Variants in POLR3K observed in about 807,000 individuals in gnomAD.
POLR3K encodes DNA-directed RNA polymerase III subunit RPC10.
POLR3K carries 11 observed loss-of-function variants against 13.5 expected under a neutral mutation model. The ratio of observed to expected loss-of-function variants is 0.81; its 90% CI spans 0.51 to 1.35. POLR3K has a LOEUF of 1.35. Ranked by LOEUF, POLR3K falls within the 40% of genes most tolerant of loss-of-function variation. The probability of loss-of-function intolerance (pLI) is 0.00; values close to 1 mark genes in which losing one functional copy is unlikely to be tolerated. For synonymous variants in POLR3K, 56 were observed against 51.5 expected, an observed-to-expected ratio of 1.09 and a Z score of -0.38; for missense variants, 144 against 145.3, an observed-to-expected ratio of 0.99 and a Z score of 0.05.
chr16:47,218 CCA>C lies in POLR3K; in HGVS notation c.*210_*211del, dbSNP rs780501380. The C allele has an allele frequency of 1.5e-5, 7 of 462,960 alleles. No individual in the cohort carries two copies. The East Asian group carries it at 2.4e-4, about 16-fold the overall frequency. The allele number at this position is 462,960 out of a possible 1,614,324, so 28.7% of individuals were successfully genotyped here. On this transcript the variant is annotated 3_prime_UTR_variant, in exon 3 of 3. Coordinates refer to ENST00000293860, the MANE Select transcript of POLR3K (RefSeq NM_016310.5). ...TTAGTTATGGGTCTCTGTCTCCTCC[CCA>C]CACAGAAAAACTCCCAGACATTCAT...
chr16:48,840 C>T (rs1043187640), intron 2 of POLR3K, among the ~76,000 whole-genome samples: 12 of 128,650 alleles, frequency 9.3e-5, no homozygotes, highest in African/African-American at 1.7e-4. Flanking sequence ...GCATTAAGGG[C>T]GATTCTGGTG....
Position 52,765 on chromosome 16 carries a change from C to CAAAA in POLR3K, c.111+707_111+710dup, listed in dbSNP as rs946489081. 3.1e-3 allele frequency among the ~76,000 whole-genome samples: 104 copies of CAAAA among 33,472 alleles called. 3 individuals are homozygous for CAAAA. The highest frequency in any genetic ancestry group is 7.1e-3 in the African/African-American group (73 of 10,286). The allele number at this position is 33,472 out of a possible 152,430, so 22.0% of individuals were successfully genotyped here. ...TGGGCGACAGAGCGGGACTCCGTCT[C>CAAAA]AAAAAAAAAAAAAAAAAAAAAAAAA... On this transcript the variant is annotated intron_variant, in intron 1 of 2. Coordinates refer to ENST00000293860, the MANE Select transcript of POLR3K (RefSeq NM_016310.5).
intron 2 of POLR3K, among the ~76,000 whole-genome samples, chr16:48,777 C>T (rs1897305716): frequency 6.7e-6 from 1 of 150,372 alleles, no homozygotes; most frequent in Non-Finnish European, 1.5e-5. Flanking sequence ...CGCCACTGCA[C>T]TCCAGCTTGG....
In POLR3K at chr16:51,626, G is replaced by A. The variant is rs555828301; in HGVS notation, c.131C>T (p.Pro44Leu). 1.2e-6 allele frequency: 2 copies of A among 1,613,954 alleles called. No individual in the cohort carries two copies. Among genetic ancestry groups the A allele is most frequent in the African/African-American group, 1.3e-5 (1 of 75,000 alleles). Residue 44 changes from proline to leucine, a missense_variant, in exon 2 of 3, where the codon CCA becomes CTA. Transcript: ENST00000293860. Reference protein sequence around the residue: ...ITRKVTNRKYPKLKEVDDVLG... With the variant: ...ITRKVTNRKYLKLKEVDDVLG... The stretch of plus-strand genomic sequence containing the variant: ...CACATCATCCACTTCTTTCAGTTTT[G>A]GGTACTTCCGATTTGTTACCTAACA...
intron 2 of POLR3K, among the ~76,000 whole-genome samples, chr16:50,672 G>A (rs184932300): frequency 7.0e-4 from 107 of 152,050 alleles, no homozygotes; most frequent in African/African-American, 2.4e-3. Context: ...ACAGGCGAGC[G>A]CCACCACACC....
In POLR3K at chr16:53,481, G is replaced by C; in HGVS notation, c.106C>G (p.Arg36Gly). ...NTCPYVHNIT[R>G]KVTNRKYPKL... The stretch of plus-strand genomic sequence containing the variant: ...CGCCGGCCTTCGGGTCCCACCTTGC[G>C]GGTGATGTTGTGCACGTAGGGGCAC... The change falls in exon 1 of 3, where the codon CGC becomes GGC. Residue 36 changes from arginine (R) to glycine (G), a missense_variant. Physicochemically the swap from Arg to Gly is moderately radical, Grantham distance 125. Transcript: ENST00000293860. 6.2e-7 allele frequency: 1 copy of C among 1,610,270 alleles called. No homozygotes were observed. Among genetic ancestry groups the C allele is most frequent in the Non-Finnish European group, 8.5e-7 (1 of 1,178,290 alleles).
At chr16:52,693 G>C (rs1897347857) in intron 1 of POLR3K, among the ~76,000 whole-genome samples, 1 of 145,856 alleles carries the variant, frequency 6.9e-6, no homozygotes, top group Non-Finnish European at 1.5e-5. Flanking sequence ...GTGAACCCGG[G>C]AGGCAGAGCT....
rs923732698 is a variant in POLR3K, at chr16:53,022, A to C, written c.111+454T>G. ...GCTAGCACCATGAGCACGATGAGAG[A>C]TCGTCCAGGAGGCGGTGTTGATGCG... On this transcript the variant is annotated intron_variant, in intron 1 of 2. Transcript: ENST00000293860. The C allele has an allele frequency of 1.8e-4, 29 of 161,916 alleles. 1 individual carries two copies. The highest frequency in any genetic ancestry group is 1.5e-3 in the Admixed American group (24 of 16,048). 10.0% of individuals were successfully genotyped at this position (161,916 alleles called of 1,614,324 possible).
At chr16:53,217 T>C in intron 1 of POLR3K, 1 of 607,664 alleles carries the variant, frequency 1.6e-6, no homozygotes, top group East Asian at 3.5e-5. Flanking sequence ...GCCTCAGCTT[T>C]AAGGAAATCA....
chr16:51,507 C>G (rs1439859148), intron 2 of POLR3K, 51 bp downstream of exon 2: 4 of 1,459,736 alleles, frequency 2.7e-6, no homozygotes, highest in Non-Finnish European at 3.8e-6. Flanking sequence ...GTGGCATCAA[C>G]AGCCTCATAA....
At position 52,490 on chromosome 16, in the gene POLR3K, T is replaced by C. The variant is rs216593; in HGVS notation, c.112-845A>G. Among the ~76,000 whole-genome samples, 8 of 122,622 alleles carry C rather than the reference T, an allele frequency of 6.5e-5. 1 individual carries two copies. Among genetic ancestry groups the C allele is most frequent in the East Asian group, 2.6e-4 (1 of 3,882 alleles). The allele number at this position is 122,622 out of a possible 152,430, so 80.4% of individuals were successfully genotyped here. A position where few individuals can be genotyped will look rare whatever the true frequency, so the allele number is the denominator to read the frequency against. On this transcript the variant is annotated intron_variant, in intron 1 of 2. Coordinates refer to ENST00000293860, the MANE Select transcript of POLR3K (RefSeq NM_016310.5). ...AAAAAAAAAAAAAAAAAAAAAAAGG[T>C]CGGGCGCGGTGGCTCACGCCTGTAA...
intron 2 of POLR3K, among the ~76,000 whole-genome samples, chr16:51,105 G>A (rs1384563729): frequency 2.6e-5 from 4 of 152,124 alleles, no homozygotes; most frequent in Admixed American, 2.6e-4. Flanking sequence ...ATGAGATTAG[G>A]GTGGAGACAC....
At position 51,563 on chromosome 16, in the gene POLR3K, G is replaced by A. The variant is rs1479336758; in HGVS notation, c.194C>T (p.Thr65Ile). The change falls in exon 2 of 3, where the codon ACT (threonine) becomes ATT (isoleucine). Residue 65 changes from threonine (T) to isoleucine (I), a missense_variant. Transcript: ENST00000293860. ...GAAACAGTTTTCCCTCTTACCTGCA[G>A]TAGAGTCAACATTCTCCCAGGCAGC... ...GAAAWENVDS[T>I]AESCPKCEHP... The A allele has an allele frequency of 1.2e-6, 2 of 1,613,042 alleles. No individual in the cohort carries two copies. The highest frequency in any genetic ancestry group is 1.7e-6 in the Non-Finnish European group (2 of 1,179,146).
chr16:52,765 C>CAAAAAAAAAAAAAAAAAAAA (rs946489081), intron 1 of POLR3K, among the ~76,000 whole-genome samples: 8 of 33,594 alleles, frequency 2.4e-4, no homozygotes, highest in Admixed American at 4.0e-4. Context: ...GACTCCGTCT[C>CAAAAAAAAAAAAAAAAAAAA]AAAAAAAAAA....
At chr16:52,795 A>AAAAAAAAAAAC (rs1301989386) in intron 1 of POLR3K, among the ~76,000 whole-genome samples, 3 of 26,782 alleles carry the variant, frequency 1.1e-4, no homozygotes, top group African/African-American at 3.9e-4. Context: ...AAAAAAAAAA[A>AAAAAAAAAAAC]CAATAAAAAA....
chr16:52,765 C>CAAAAAAAAAAAAAAAAA (rs946489081), intron 1 of POLR3K, among the ~76,000 whole-genome samples: 8 of 33,578 alleles, frequency 2.4e-4, no homozygotes, highest in Admixed American at 1.2e-3. Flanking sequence ...GACTCCGTCT[C>CAAAAAAAAAAAAAAAAA]AAAAAAAAAA....
intron 2 of POLR3K, among the ~76,000 whole-genome samples, chr16:50,671 C>T (rs1032618447): frequency 1.5e-4 from 22 of 151,424 alleles, no homozygotes; most frequent in African/African-American, 4.4e-4. Flanking sequence ...TACAGGCGAG[C>T]GCCACCACAC....
chr16:50,890 T>C (rs533550335), intron 2 of POLR3K, among the ~76,000 whole-genome samples: 35 of 152,258 alleles, frequency 2.3e-4, no homozygotes, highest in South Asian at 1.7e-3. Context: ...CCTACAATCA[T>C]GGCGAAAGGA....
At chr16:47,892 C>CTTTT (rs747985712) in intron 2 of POLR3K, among the ~76,000 whole-genome samples, 9 of 99,724 alleles carry the variant, frequency 9.0e-5, no homozygotes, top group African/African-American at 1.2e-4. Flanking sequence ...ACTATAATAT[C>CTTTT]TTTTTTTTTT....
Sources: gnomAD v4.1 joint callset for allele counts (sites outside exome capture counted in the v4.1 genomes callset) on GRCh38, gnomAD v4.1.1 for gene constraint, MANE v1.5 for transcripts, NCBI Gene and HGNC (gene_info 2026-07-23, HGNC 2026-07-21) for gene names.